PCSK2: variants seen among roughly 807,000 people sequenced by gnomAD.
The protein encoded by PCSK2 is proprotein convertase subtilisin/kexin type 2.
A neutral mutation model predicts 69.7 loss-of-function variants in PCSK2; 14 were observed. That is an observed-to-expected ratio of 0.20 (90% confidence interval 0.13 to 0.31). The LOEUF is 0.31. Ranked by LOEUF, PCSK2 falls within the 10% of genes least tolerant of loss-of-function variation. The pLI, the probability that PCSK2 is intolerant of heterozygous loss-of-function variation, is 1.00. For synonymous variants in PCSK2, 307 were observed against 320.7 expected (o/e 0.96, Z 0.46); for missense variants, 544 against 842.5 (o/e 0.65, Z 4.39).
At chr20:17,425,337 C>T (rs1413290579) in intron 6 of PCSK2, among the ~76,000 whole-genome samples, 1 of 152,060 alleles carries the variant, frequency 6.6e-6, no homozygotes, top group African/African-American at 2.4e-5. Context: ...AAACGAATGC[C>T]AAAAGTCCAT....
chr20:17,403,404 G>C (rs924358375), intron 5 of PCSK2, among the ~76,000 whole-genome samples: 1 of 152,186 alleles, frequency 6.6e-6, no homozygotes, highest in African/African-American at 2.4e-5. Flanking sequence ...AATCAAAATA[G>C]GCACAGTTGG....
intron 2 of PCSK2, among the ~76,000 whole-genome samples, chr20:17,355,439 T>C (rs2030160717): frequency 6.6e-6 from 1 of 152,196 alleles, no homozygotes; most frequent in Middle Eastern, 3.4e-3. Context: ...GTAGAGCAGA[T>C]AAAGGCCTCT....
upstream of PCSK2, among the ~76,000 whole-genome samples, chr20:17,226,789 G>A (rs1390833441): frequency 1.4e-5 from 2 of 146,830 alleles, no homozygotes; most frequent in Non-Finnish European, 3.0e-5. Context: ...AGGGGCGGGG[G>A]CGCGGGCTCG....
chr20:17,283,165 T>C lies in PCSK2; in HGVS notation c.282+22821T>C, dbSNP rs557802769. ...GGCAAAAGATGCTATAAAAGCTAGA[T>C]GGAGAGATAGGTGGATACACAGATA... On this transcript the variant is annotated intron_variant, in intron 2 of 11. Coordinates refer to ENST00000262545, the MANE Select transcript of PCSK2 (RefSeq NM_002594.5). Among the ~76,000 whole-genome samples the C allele has an allele frequency of 2.0e-4, 30 of 152,146 alleles. No homozygotes were observed. The East Asian group carries it at 5.8e-3, about 29-fold the overall frequency.
chr20:17,450,920 T>A (rs1286397819), intron 8 of PCSK2, among the ~76,000 whole-genome samples: 3 of 152,138 alleles, frequency 2.0e-5, no homozygotes, highest in African/African-American at 7.2e-5. Flanking sequence ...TAGGGTGGCA[T>A]GCCAGCAACA....
chr20:17,348,403 T>C (rs1299005336), intron 2 of PCSK2, among the ~76,000 whole-genome samples: 3 of 152,240 alleles, frequency 2.0e-5, no homozygotes, highest in Non-Finnish European at 1.5e-5. Flanking sequence ...AGCAAAATTA[T>C]AGAAGTAACT....
intron 2 of PCSK2, among the ~76,000 whole-genome samples, chr20:17,337,858 G>A (rs1370173063): frequency 3.3e-5 from 5 of 150,946 alleles, no homozygotes; most frequent in African/African-American, 1.2e-4. Context: ...GAGCCTGGGA[G>A]GTTGAAGCTG....
chr20:17,253,023 AATCTTGGAATATACAACC>A (rs1465923572), intron 1 of PCSK2, among the ~76,000 whole-genome samples: 5 of 152,216 alleles, frequency 3.3e-5, no homozygotes, highest in Non-Finnish European at 7.3e-5. Context: ...CTTTTCGGTG[AATCTTGGAATATACAACC>A]TTATAGGGAA....
intron 4 of PCSK2, among the ~76,000 whole-genome samples, chr20:17,367,335 G>A (rs1047812034): frequency 1.3e-5 from 2 of 152,200 alleles, no homozygotes; most frequent in Non-Finnish European, 2.9e-5. Flanking sequence ...AATGTATTAA[G>A]TGTTTACTAT....
chr20:17,392,126 T>G (rs950663862), intron 5 of PCSK2, among the ~76,000 whole-genome samples: 8 of 152,104 alleles, frequency 5.3e-5, no homozygotes, highest in Non-Finnish European at 1.2e-4. Context: ...TCCCCCAAGG[T>G]ATTATGTTTT....
intron 1 of PCSK2, among the ~76,000 whole-genome samples, chr20:17,254,686 T>C (rs150117724): frequency 6.0e-4 from 91 of 152,326 alleles, no homozygotes; most frequent in African/African-American, 2.1e-3. Context: ...CTATTCTTGG[T>C]CTCTTGAGTT....
At chr20:17,449,222 CA>C (rs1379756223) in intron 8 of PCSK2, among the ~76,000 whole-genome samples, 1 of 152,174 alleles carries the variant, frequency 6.6e-6, no homozygotes, top group Non-Finnish European at 1.5e-5. Flanking sequence ...ACTCACTGAG[CA>C]TGAGCTGCAG....
At chr20:17,319,187 G>A (rs1033391974) in intron 2 of PCSK2, among the ~76,000 whole-genome samples, 4 of 152,046 alleles carry the variant, frequency 2.6e-5, no homozygotes, top group Non-Finnish European at 4.4e-5. Context: ...GCTACGCCCC[G>A]ATAAGATAAA....
chr20:17,243,452 A>G (rs1024140098), intron 1 of PCSK2, among the ~76,000 whole-genome samples: 8 of 149,618 alleles, frequency 5.3e-5, no homozygotes, highest in Admixed American at 1.3e-4. Context: ...CTCCTGTCTC[A>G]GCCTCCCAAA....
chr20:17,445,189 T>C (rs188268711), intron 8 of PCSK2, among the ~76,000 whole-genome samples: 12 of 152,310 alleles, frequency 7.9e-5, no homozygotes. Context: ...CCAGCCATTA[T>C]GGGACACAGC....
intron 2 of PCSK2, among the ~76,000 whole-genome samples, chr20:17,307,728 G>T (rs1285624548): frequency 6.6e-6 from 1 of 152,068 alleles, no homozygotes; most frequent in Non-Finnish European, 1.5e-5. Flanking sequence ...CTATGAAACA[G>T]ATAATTAATT....
At chr20:17,466,988 T>C (rs1326471005) in intron 11 of PCSK2, among the ~76,000 whole-genome samples, 1 of 152,236 alleles carries the variant, frequency 6.6e-6, no homozygotes, top group Non-Finnish European at 1.5e-5. Flanking sequence ...ACCTTGAGAA[T>C]ACACCTCCGT....
chr20:17,286,840 G>C (rs933106876), intron 2 of PCSK2, among the ~76,000 whole-genome samples: 1 of 152,130 alleles, frequency 6.6e-6, no homozygotes, highest in African/African-American at 2.4e-5. Flanking sequence ...AATCAGTCAG[G>C]GTTCTCCAGA....
chr20:17,433,736 TATC>T (rs1392373015), intron 7 of PCSK2, among the ~76,000 whole-genome samples: 1 of 151,492 alleles, frequency 6.6e-6, no homozygotes, highest in Non-Finnish European at 1.5e-5. Context: ...CAAATACACA[TATC>T]AGCATTGTTA....
Sources: allele counts gnomAD v4.1 joint callset (sites outside exome capture counted in the v4.1 genomes callset), GRCh38; gene constraint gnomAD v4.1.1; transcripts MANE v1.5; gene names NCBI Gene and HGNC (gene_info 2026-07-23, HGNC 2026-07-21).